Variants in CSMD1 observed in about 807,000 individuals in gnomAD.
The protein encoded by CSMD1 is CUB and sushi domain-containing protein 1.
In CSMD1, 213 loss-of-function variants were observed where a neutral mutation model predicts 417.5. The observed-to-expected ratio is 0.51, with a 90% CI of 0.46 to 0.57. The LOEUF (loss-of-function observed/expected upper bound fraction) is 0.57, where lower values mean the gene tolerates loss of function less well. Among genes scored for constraint, CSMD1 ranks in the 20% least tolerant of loss-of-function variants. The pLI is 0.00. For synonymous variants in CSMD1, 2,862 were observed against 1,736.8 expected, an observed-to-expected ratio of 1.65 and a Z score of -16.11; for missense variants, 6,923 against 4,529.7, an observed-to-expected ratio of 1.53 and a Z score of -15.17.
intron 3 of CSMD1, among the ~76,000 whole-genome samples, chr8:4,284,598 G>T (rs1024798306): frequency 1.3e-5 from 2 of 152,046 alleles, no homozygotes; most frequent in Non-Finnish European, 2.9e-5. Context: ...TTACATTCTC[G>T]TCAGGCAAAG....
At chr8:3,258,527 C>G (rs527406392) in intron 26 of CSMD1, among the ~76,000 whole-genome samples, 11 of 152,156 alleles carry the variant, frequency 7.2e-5, no homozygotes, top group Non-Finnish European at 1.5e-4. Flanking sequence ...TTATGGAAGA[C>G]AGTGTGGTGA....
At chr8:3,549,661 G>C (rs1464878191) in intron 10 of CSMD1, among the ~76,000 whole-genome samples, 3 of 152,182 alleles carry the variant, frequency 2.0e-5, no homozygotes, top group Non-Finnish European at 4.4e-5. Flanking sequence ...AAATCTAGGA[G>C]AAATCTAGCT....
chr8:4,477,684 C>A (rs751850537), intron 2 of CSMD1, among the ~76,000 whole-genome samples: 2 of 152,062 alleles, frequency 1.3e-5, no homozygotes, highest in East Asian at 3.9e-4. Context: ...AGGCATGTCC[C>A]CAAAGGATAG....
At position 4,794,587 on chromosome 8, in the gene CSMD1, C is replaced by T. The variant is rs75404473; in HGVS notation, c.86-157029G>A. 3.7e-4 allele frequency among the ~76,000 whole-genome samples: 57 copies of T among 152,258 alleles called. 2 individuals carry two copies. The East Asian group carries it at 0.01, about 27-fold the overall frequency. ...CTGAGAGATTCTTCCCCTTCTCTCACCCCTCACACGCCTCTGGGCTGCAAG... is the reference window on the plus strand; with the variant it reads ...CTGAGAGATTCTTCCCCTTCTCTCATCCCTCACACGCCTCTGGGCTGCAAG... On this transcript the variant is annotated intron_variant, in intron 1 of 69. Transcript: ENST00000635120.
At chr8:4,814,445 C>T (rs1364654660) in intron 1 of CSMD1, among the ~76,000 whole-genome samples, 1 of 152,186 alleles carries the variant, frequency 6.6e-6, no homozygotes, top group Non-Finnish European at 1.5e-5. Context: ...CACGGTTTCA[C>T]CATGTTGGCC....
At chr8:3,562,417 A>ACACACGTACACACATGCATAC (rs1554470709) in intron 10 of CSMD1, among the ~76,000 whole-genome samples, 37 of 145,446 alleles carry the variant, frequency 2.5e-4, no homozygotes, top group African/African-American at 5.0e-4. Context: ...CACATGCACA[A>ACACACGTACACACATGCATAC]ACACACATGC....
At chr8:3,850,634 G>A (rs981091595) in intron 5 of CSMD1, among the ~76,000 whole-genome samples, 3 of 152,142 alleles carry the variant, frequency 2.0e-5, no homozygotes, top group African/African-American at 7.2e-5. Flanking sequence ...GGCGGAGGTT[G>A]AGGTGAGCCA....
At chr8:4,383,240 T>C (rs2128919834) in intron 3 of CSMD1, among the ~76,000 whole-genome samples, 1 of 152,332 alleles carries the variant, frequency 6.6e-6, no homozygotes, top group African/African-American at 2.4e-5. Flanking sequence ...TGGAAGTAGA[T>C]TCTGAGCAGC....
intron 11 of CSMD1, among the ~76,000 whole-genome samples, chr8:3,483,888 C>A (rs927266606): frequency 3.3e-5 from 5 of 152,088 alleles, no homozygotes; most frequent in African/African-American, 1.2e-4. Context: ...AAAGAAAGAA[C>A]ATGATATATC....
At chr8:4,761,266 G>C (rs73177523) in intron 1 of CSMD1, among the ~76,000 whole-genome samples, 15,505 of 152,056 alleles carry the variant, frequency 0.1, 823 homozygotes, top group Non-Finnish European at 0.11. Context: ...TTCAGAACAG[G>C]AAAGCATGGT....
intron 1 of CSMD1, among the ~76,000 whole-genome samples, chr8:4,805,761 A>C (rs2118575): frequency 2.6e-5 from 4 of 152,266 alleles, no homozygotes; most frequent in Admixed American, 6.5e-5. Context: ...ATATTCCATT[A>C]ATGAATACAG....
chr8:4,426,737 A>T (rs567176380), intron 2 of CSMD1, among the ~76,000 whole-genome samples: 2 of 147,706 alleles, frequency 1.4e-5, no homozygotes, highest in South Asian at 4.2e-4. Context: ...TACATTTATT[A>T]TACAATATAG....
intron 1 of CSMD1, among the ~76,000 whole-genome samples, chr8:4,647,034 C>A (rs1176574040): frequency 6.6e-6 from 1 of 152,094 alleles, no homozygotes; most frequent in African/African-American, 2.4e-5. Context: ...CTCCTCTAGG[C>A]CATCCAAAGT....
chr8:3,360,958 C>G (rs541908147), intron 20 of CSMD1, among the ~76,000 whole-genome samples: 2 of 151,942 alleles, frequency 1.3e-5, no homozygotes, highest in South Asian at 2.1e-4. Context: ...TACCTAAACA[C>G]TTCCTTCATC....
At chr8:3,503,888 C>T (rs1044150345) in intron 10 of CSMD1, among the ~76,000 whole-genome samples, 1 of 147,484 alleles carries the variant, frequency 6.8e-6, no homozygotes. Context: ...GTTCAACTCT[C>T]GACTTGGATG....
chr8:4,527,384 C>T (rs187736111), intron 2 of CSMD1, among the ~76,000 whole-genome samples: 48 of 152,252 alleles, frequency 3.2e-4, no homozygotes, highest in African/African-American at 1.1e-3. Flanking sequence ...TGTTTTTATA[C>T]GGTCATTTTA....
intron 5 of CSMD1, among the ~76,000 whole-genome samples, chr8:3,757,369 A>T (rs1189777986): frequency 6.6e-6 from 1 of 152,228 alleles, no homozygotes; most frequent in Non-Finnish European, 1.5e-5. Flanking sequence ...ATAAAATGGC[A>T]GTGGGTGTGT....
At chr8:3,555,804 T>C (rs1429677139) in intron 10 of CSMD1, among the ~76,000 whole-genome samples, 1 of 152,162 alleles carries the variant, frequency 6.6e-6, no homozygotes, top group East Asian at 1.9e-4. Context: ...CAGACAGTTG[T>C]ATGGTTATAG....
intron 18 of CSMD1, among the ~76,000 whole-genome samples, chr8:3,372,787 T>G (rs563846385): frequency 6.6e-6 from 1 of 152,086 alleles, no homozygotes; most frequent in Admixed American, 6.6e-5. Flanking sequence ...CTGGAGGCCA[T>G]GGAAGAGGGT....
Sources: gnomAD v4.1 joint callset for allele counts (sites outside exome capture counted in the v4.1 genomes callset) on GRCh38, gnomAD v4.1.1 for gene constraint, MANE v1.5 for transcripts, NCBI Gene and HGNC (gene_info 2026-07-23, HGNC 2026-07-21) for gene names.